CASK: variants seen among roughly 807,000 people sequenced by gnomAD.
The protein encoded by CASK is calcium/calmodulin dependent serine protein kinase.
Under a neutral mutation model 82.9 loss-of-function variants are expected in CASK, and 4 were observed. The ratio of observed to expected loss-of-function variants is 0.05; its 90% CI spans 0.02 to 0.11. The LOEUF (loss-of-function observed/expected upper bound fraction) is 0.11, where lower values mean the gene tolerates loss of function less well. Ranked by LOEUF, CASK falls within the 10% of genes least tolerant of loss-of-function variation. The probability of loss-of-function intolerance (pLI) is 1.00; values close to 1 mark genes in which losing one functional copy is unlikely to be tolerated. For missense variants in CASK, 358 were observed against 720.9 expected (o/e 0.50, Z 5.76); for synonymous variants, 259 against 253.5 (o/e 1.02, Z -0.20).
chrX:41,768,820 AAAAC>A (rs2069161376), intron 3 of CASK, among the ~76,000 whole-genome samples: 2 of 111,779 alleles, frequency 1.8e-5, no homozygotes, highest in East Asian at 5.6e-4. Flanking sequence ...ACAAAAAACA[AAAAC>A]AAACAAACAA....
intron 11 of CASK, among the ~76,000 whole-genome samples, chrX:41,614,458 T>C (rs2066160040): frequency 8.9e-6 from 1 of 112,280 alleles, no homozygotes; most frequent in Non-Finnish European, 1.9e-5. Flanking sequence ...TGGGGCTTCA[T>C]CCAGGTTGTT....
chrX:41,767,093 G>C (rs1311028056), intron 3 of CASK, among the ~76,000 whole-genome samples: 1 of 111,447 alleles, frequency 9.0e-6, no homozygotes, highest in Non-Finnish European at 1.9e-5. Flanking sequence ...TGTTTGTTTA[G>C]AGTAAAGAAA....
chrX:41,737,405 T>C (rs1380763182), intron 5 of CASK, among the ~76,000 whole-genome samples: 1 of 112,246 alleles, frequency 8.9e-6, no homozygotes, highest in Non-Finnish European at 1.9e-5. Context: ...GAAGTCACTA[T>C]GTTTTGGCAT....
chrX:41,575,778 T>C (rs2065476407), intron 15 of CASK, among the ~76,000 whole-genome samples: 1 of 111,163 alleles, frequency 9.0e-6, no homozygotes, highest in Admixed American at 9.6e-5. Flanking sequence ...ATATTTCACA[T>C]AAAATAATTC....
At chrX:41,525,527 T>C (rs1262753661) in intron 25 of CASK, among the ~76,000 whole-genome samples, 1 of 110,888 alleles carries the variant, frequency 9.0e-6, no homozygotes, top group Non-Finnish European at 1.9e-5. Flanking sequence ...GCTCCTGAAG[T>C]ACCCATCACG....
intron 2 of CASK, among the ~76,000 whole-genome samples, chrX:41,844,216 G>C (rs191266450): frequency 3.6e-5 from 4 of 111,236 alleles, no homozygotes; most frequent in South Asian, 3.7e-4. Context: ...TTGGTATCAG[G>C]GTATTGCAGG....
In CASK at chrX:41,607,499, C is replaced by G. The variant is rs750055590; in HGVS notation, c.1155+2405G>C. 9.1e-4 allele frequency among the ~76,000 whole-genome samples: 102 copies of G among 112,330 alleles called. 1 individual carries two copies. In the Middle Eastern group the frequency reaches 0.023, roughly 25 times the overall value. On this transcript the variant is annotated intron_variant, in intron 12 of 26. Coordinates refer to ENST00000378163, the MANE Select transcript of CASK (RefSeq NM_001367721.1). ...TAGCCTTTTCTAAATATTGCACTAA[C>G]TAGTTCTAGTAAAGGGTATAAACTT... is the stretch of plus-strand genomic sequence containing the variant.
chrX:41,831,838 G>C (rs1422107167), intron 2 of CASK, among the ~76,000 whole-genome samples: 1 of 111,093 alleles, frequency 9.0e-6, no homozygotes, highest in Non-Finnish European at 1.9e-5. Flanking sequence ...GTGCACGCCT[G>C]TAATCCCAGC....
At chrX:41,746,047 A>C (rs1422476148) in intron 3 of CASK, among the ~76,000 whole-genome samples, 1 of 112,145 alleles carries the variant, frequency 8.9e-6, no homozygotes, top group African/African-American at 3.2e-5. Context: ...GGAAGGAAAA[A>C]ACAATGACAT....
At chrX:41,875,273 T>G (rs746767780) in intron 1 of CASK, among the ~76,000 whole-genome samples, 3 of 112,222 alleles carry the variant, frequency 2.7e-5, no homozygotes, top group Non-Finnish European at 5.6e-5. Context: ...TTCCTTAAGT[T>G]TCAGTGAGTC....
chrX:41,869,831 A>AAAAAAAAAAAAAAAAAAAAAAAAAC, intron 1 of CASK, among the ~76,000 whole-genome samples: 1 of 103,118 alleles, frequency 9.7e-6, no homozygotes, highest in Non-Finnish European at 2.0e-5. Flanking sequence ...AAAAAAAAAA[A>AAAAAAAAAAAAAAAAAAAAAAAAAC]AAAAAGCCAA....
chrX:41,905,737 T>C (rs774220317), intron 1 of CASK, among the ~76,000 whole-genome samples: 9 of 112,844 alleles, frequency 8.0e-5, no homozygotes, highest in African/African-American at 2.9e-4. Flanking sequence ...TCATGCTCAC[T>C]GCACACCTGC....
Position 41,674,929 on chromosome X carries a change from C to CA in CASK, c.430-3400dup, listed in dbSNP as rs753066892. ...CAGCACATGCATGTTAGGCAAGTATCAAAAAAAAAATCACAAAAGCAAAAA... is the reference window on the plus strand; with the variant it reads ...CAGCACATGCATGTTAGGCAAGTATCAAAAAAAAAAATCACAAAAGCAAAAA... On this transcript the variant is annotated intron_variant, in intron 5 of 26. Transcript: ENST00000378163. Among the ~76,000 whole-genome samples the CA allele has an allele frequency of 2.7e-3, 268 of 100,844 alleles. 1 individual carries two copies. The highest frequency in any genetic ancestry group is 7.7e-3 in the African/African-American group (212 of 27,663). 87.6% of individuals were successfully genotyped at this position (100,844 alleles called of 115,157 possible).
chrX:41,779,028 A>G (rs1171694679), intron 3 of CASK, among the ~76,000 whole-genome samples: 1 of 111,875 alleles, frequency 8.9e-6, no homozygotes, highest in East Asian at 2.8e-4. Context: ...GGCCTAAACT[A>G]CTATCTCATA....
At chrX:41,645,180 T>G (rs1228714696) in intron 8 of CASK, among the ~76,000 whole-genome samples, 5 of 111,503 alleles carry the variant, frequency 4.5e-5, no homozygotes, top group East Asian at 2.8e-4. Flanking sequence ...AATCGCACTT[T>G]AAAAACCCAA....
At chrX:41,696,757 A>G (rs755950157) in intron 5 of CASK, 1 of 1,177,144 alleles carries the variant, frequency 8.5e-7, no homozygotes, top group South Asian at 1.9e-5. Flanking sequence ...GTGAAAATAC[A>G]GTCTAGTTCT....
chrX:41,637,934 CTG>C (rs200277715), intron 8 of CASK, among the ~76,000 whole-genome samples: 12,710 of 111,227 alleles, frequency 0.11, 709 homozygotes, highest in Middle Eastern at 0.17. Flanking sequence ...GTGTGAGCCA[CTG>C]TGCCTGGTCC....
chrX:41,676,154 C>T (rs1300620197), intron 5 of CASK: 1 of 1,147,626 alleles, frequency 8.7e-7, no homozygotes. Flanking sequence ...GAAGACTTTG[C>T]TCTCTGCTTG....
intron 11 of CASK, among the ~76,000 whole-genome samples, chrX:41,610,826 C>G (rs1340792929): frequency 9.0e-6 from 1 of 111,248 alleles, no homozygotes; most frequent in African/African-American, 3.3e-5. Flanking sequence ...ATTTACACAG[C>G]CTTAAAAAAA....
Sources: gnomAD v4.1 joint callset for allele counts (sites outside exome capture counted in the v4.1 genomes callset) on GRCh38, gnomAD v4.1.1 for gene constraint, MANE v1.5 for transcripts, NCBI Gene and HGNC (gene_info 2026-07-23, HGNC 2026-07-21) for gene names.